EPB41L1: variants seen among roughly 807,000 people sequenced by gnomAD.
The protein encoded by EPB41L1 is erythrocyte membrane protein band 4.1 like 1.
Under a neutral mutation model 97.8 loss-of-function variants are expected in EPB41L1, and 29 were observed. That is an observed-to-expected ratio of 0.30 (90% CI 0.22 to 0.40). The LOEUF (loss-of-function observed/expected upper bound fraction) is 0.40. EPB41L1 is among the 10% of genes least tolerant of loss of function. The pLI, the probability that EPB41L1 is intolerant of heterozygous loss-of-function variation, is 1.00. For synonymous variants in EPB41L1, 383 were observed against 459.2 expected, an observed-to-expected ratio of 0.83 and a Z score of 2.12; for missense variants, 812 against 1,162.3, an observed-to-expected ratio of 0.70 and a Z score of 4.38.
chr20:36,170,993 A>T (rs1022239070), intron 1 of EPB41L1, among the ~76,000 whole-genome samples: 2 of 152,098 alleles, frequency 1.3e-5, no homozygotes, highest in African/African-American at 4.8e-5. Flanking sequence ...GCCCAGGAAA[A>T]GTTCCGAGAG....
chr20:36,217,996 CAGCTGG>C (rs2058785872), intron 17 of EPB41L1, among the ~76,000 whole-genome samples: 1 of 152,158 alleles, frequency 6.6e-6, no homozygotes, highest in South Asian at 2.1e-4. Flanking sequence ...TAGAAGCAGG[CAGCTGG>C]GCCCTGGCGC....
intron 21 of EPB41L1, among the ~76,000 whole-genome samples, chr20:36,225,599 C>T (rs1307644404): frequency 5.3e-5 from 8 of 152,206 alleles, no homozygotes; most frequent in Admixed American, 4.6e-4. Context: ...CGTTTCTTCC[C>T]GCTTGAGGAC....
chr20:36,129,590 T>G (rs1052316155), intron 2 of EPB41L1, among the ~76,000 whole-genome samples: 3 of 152,094 alleles, frequency 2.0e-5, no homozygotes, highest in Non-Finnish European at 4.4e-5. Flanking sequence ...TCCCTCTCCT[T>G]GGTCTCTGGG....
At position 36,232,234 on chromosome 20, in the gene EPB41L1, T is replaced by C. The variant is rs2064519773; in HGVS notation, c.*2894T>C. On this transcript the variant is annotated 3_prime_UTR_variant, in exon 22 of 22. Coordinates refer to ENST00000338074, the MANE Select transcript of EPB41L1 (RefSeq NM_012156.2). ...TCTTCAACCTACTTTTCCTTTTCTC[T>C]TTTTTGTTTCTCATCCTCTCTGTGC... The C allele has an allele frequency of 5.5e-6, 1 of 183,054 alleles. No homozygotes were observed. The highest frequency in any genetic ancestry group is 2.0e-4 in the South Asian group (1 of 5,102). The allele number at this position is 183,054 out of a possible 1,614,324, so 11.3% of individuals were successfully genotyped here. A position where few individuals can be genotyped will look rare whatever the true frequency, so the allele number is the denominator to read the frequency against.
intron 14 of EPB41L1, among the ~76,000 whole-genome samples, chr20:36,205,494 G>T (rs951070553): frequency 1.3e-5 from 2 of 152,156 alleles, no homozygotes; most frequent in South Asian, 4.1e-4. Context: ...CCCTCTGACG[G>T]TGGCAGTTAT....
At chr20:36,155,347 G>C in intron 1 of EPB41L1, 1 of 362,806 alleles carries the variant, frequency 2.8e-6, no homozygotes, top group Non-Finnish European at 5.5e-6. Context: ...CCCCGCTCTG[G>C]GCTTGCCTCC....
chr20:36,143,484 A>G (rs2059719718), intron 2 of EPB41L1, among the ~76,000 whole-genome samples: 1 of 152,152 alleles, frequency 6.6e-6, no homozygotes, highest in Non-Finnish European at 1.5e-5. Flanking sequence ...AGCCCACATA[A>G]AAGCTCATCG....
At chr20:36,107,252 G>A (rs1406346343) in intron 1 of EPB41L1, among the ~76,000 whole-genome samples, 6 of 115,658 alleles carry the variant, frequency 5.2e-5, no homozygotes, top group African/African-American at 1.7e-4. Flanking sequence ...TCTCGCTTTC[G>A]CTCTGTTGCC....
intron 20 of EPB41L1, 92 bp downstream of exon 20, chr20:36,222,036 C>A: frequency 7.4e-7 from 1 of 1,346,746 alleles, no homozygotes; most frequent in Non-Finnish European, 1.1e-6. Flanking sequence ...TCCTCATGGG[C>A]AGAGAAGGTG....
At chr20:36,192,527 G>A (rs924510477) in intron 11 of EPB41L1, among the ~76,000 whole-genome samples, 6 of 117,006 alleles carry the variant, frequency 5.1e-5, no homozygotes, top group African/African-American at 1.1e-4. Flanking sequence ...GCAAGACTCC[G>A]TCTCAAAAAA....
chr20:36,175,600 A>C lies in EPB41L1; in HGVS notation c.227A>C (p.Glu76Ala). Reference sequence around the variant, plus strand: ...TACAGTGAGGCCGATGGCCTTTCGGAGAGGACCACGCCCAGCAAGGCCCAG... The same window carrying C: ...TACAGTGAGGCCGATGGCCTTTCGGCGAGGACCACGCCCAGCAAGGCCCAG... Reference protein sequence around the residue: ...KDYSEADGLSERTTPSKAQKS... With the variant: ...KDYSEADGLSARTTPSKAQKS... Residue 76 changes from glutamate to alanine, a missense_variant, in exon 3 of 22, where the codon GAG becomes GCG. Around this residue, in one of 3 missense-constraint regions of EPB41L1, gnomAD observed 230 missense variants for 445.2 expected, o/e 0.52. Coordinates refer to ENST00000338074, the MANE Select transcript of EPB41L1 (RefSeq NM_012156.2). 1 of 1,614,228 alleles carries C rather than the reference A, an allele frequency of 6.2e-7. No individual in the cohort carries two copies. Among genetic ancestry groups the C allele is most frequent in the Non-Finnish European group, 8.5e-7 (1 of 1,180,038 alleles).
At chr20:36,214,880 T>C (rs111323333) in intron 17 of EPB41L1, among the ~76,000 whole-genome samples, 2,421 of 151,970 alleles carry the variant, frequency 0.016, 61 homozygotes, top group African/African-American at 0.053. Context: ...AGATGGCGTG[T>C]GGTGACCCTA....
intron 2 of EPB41L1, among the ~76,000 whole-genome samples, chr20:36,138,187 A>C (rs141306790): frequency 6.6e-6 from 1 of 151,820 alleles, no homozygotes; most frequent in Non-Finnish European, 1.5e-5. Flanking sequence ...CTGTACAGAG[A>C]TCTCTTTGAC....
chr20:36,108,451 G>T (rs2058273093), intron 1 of EPB41L1, among the ~76,000 whole-genome samples: 1 of 151,544 alleles, frequency 6.6e-6, no homozygotes, highest in Non-Finnish European at 1.5e-5. Context: ...GAGGCAGGCG[G>T]ATCGCTTGAG....
chr20:36,140,455 G>A (rs996226832), intron 2 of EPB41L1, among the ~76,000 whole-genome samples: 1 of 152,090 alleles, frequency 6.6e-6, no homozygotes, highest in Non-Finnish European at 1.5e-5. Context: ...TATTAGCTAG[G>A]TATCTTCAGG....
At chr20:36,158,062 T>TAGG (rs2060383069) in intron 1 of EPB41L1, among the ~76,000 whole-genome samples, 2 of 146,660 alleles carry the variant, frequency 1.4e-5, no homozygotes, top group Admixed American at 1.3e-4. Context: ...AGATGAGGTA[T>TAGG]AGGAGTTATT....
At chr20:36,118,219 G>A (rs1198547428) in intron 2 of EPB41L1, among the ~76,000 whole-genome samples, 2 of 152,142 alleles carry the variant, frequency 1.3e-5, no homozygotes, top group South Asian at 2.1e-4. Flanking sequence ...AACACAGATG[G>A]TGCGTGCCTA....
In EPB41L1 at chr20:36,207,266, C is replaced by T. The variant is rs1189859383; in HGVS notation, c.1669-2222C>T. The T allele has an allele frequency of 7.8e-7, 1 of 1,277,528 alleles. No individual in the cohort carries two copies. Among genetic ancestry groups the T allele is most frequent in the South Asian group, 1.3e-5 (1 of 79,756 alleles). 79.1% of individuals were successfully genotyped at this position (1,277,528 alleles called of 1,614,324 possible). Reference sequence around the variant, plus strand: ...GTAGGGTTTGTGGTGTCCCCTGCCACAGGAGGTGAGCGCAGGCCTCCTCCC... The same window carrying T: ...GTAGGGTTTGTGGTGTCCCCTGCCATAGGAGGTGAGCGCAGGCCTCCTCCC... On this transcript the variant is annotated intron_variant, in intron 14 of 21. Transcript: ENST00000338074. The surrounding 1 kb of genome is among the most constrained non-coding windows in gnomAD (Gnocchi z 4.9).
chr20:36,137,611 G>C (rs2059468438), intron 2 of EPB41L1, among the ~76,000 whole-genome samples: 1 of 152,062 alleles, frequency 6.6e-6, no homozygotes, highest in Non-Finnish European at 1.5e-5. Flanking sequence ...GGCAATCTCC[G>C]CCTCCTGGGT....
Sources: allele counts gnomAD v4.1 joint callset (sites outside exome capture counted in the v4.1 genomes callset), GRCh38; gene constraint gnomAD v4.1.1; regional missense constraint gnomAD v4.1.1; non-coding constraint Gnocchi (gnomAD v3.1); transcripts MANE v1.5; gene names NCBI Gene and HGNC (gene_info 2026-07-23, HGNC 2026-07-21).